The following UNC5C variants were observed in gnomAD, a reference collection of about 807,000 sequenced individuals.
UNC5C encodes unc-5 netrin receptor C.
Under a neutral mutation model 99.8 loss-of-function variants are expected in UNC5C, and 47 were observed. That is an observed-to-expected ratio of 0.47 (90% CI 0.37 to 0.60). The LOEUF is 0.60. Ranked by LOEUF, UNC5C falls within the 20% of genes least tolerant of loss-of-function variation. The probability of loss-of-function intolerance (pLI) is 0.00; values close to 1 mark genes in which losing one functional copy is unlikely to be tolerated. For missense variants in UNC5C, 1,062 were observed against 1,165.9 expected (o/e 0.91, Z 1.30); for synonymous variants, 487 against 452.2 (o/e 1.08, Z -0.98).
intron 1 of UNC5C, among the ~76,000 whole-genome samples, chr4:95,521,485 T>C (rs1722356706): frequency 6.6e-6 from 1 of 152,142 alleles, no homozygotes; most frequent in Non-Finnish European, 1.5e-5. Flanking sequence ...CCCAAAGTGC[T>C]GGGATTACAG....
intron 10 of UNC5C, among the ~76,000 whole-genome samples, chr4:95,208,380 G>A (rs559062848): frequency 6.6e-6 from 1 of 152,282 alleles, no homozygotes; most frequent in Non-Finnish European, 1.5e-5. Context: ...CAACATGAAA[G>A]GCTCTTAGGC....
At chr4:95,432,268 C>T (rs1002200060) in intron 1 of UNC5C, among the ~76,000 whole-genome samples, 1 of 152,120 alleles carries the variant, frequency 6.6e-6, no homozygotes, top group African/African-American at 2.4e-5. Context: ...CTACTTTCAT[C>T]GTTCCTGCAG....
intron 1 of UNC5C, among the ~76,000 whole-genome samples, chr4:95,384,771 C>T (rs1417480953): frequency 6.6e-6 from 1 of 152,034 alleles, no homozygotes; most frequent in African/African-American, 2.4e-5. Context: ...GGGGATATTG[C>T]AAAGCTGGTG....
intron 2 of UNC5C, among the ~76,000 whole-genome samples, chr4:95,332,521 T>G (rs935756057): frequency 7.9e-5 from 12 of 151,658 alleles, no homozygotes; most frequent in Middle Eastern, 3.4e-3. Context: ...TAGCCATATG[T>G]AGAAAGCTGA....
At chr4:95,493,530 G>A (rs1226813849) in intron 1 of UNC5C, among the ~76,000 whole-genome samples, 2 of 151,364 alleles carry the variant, frequency 1.3e-5, no homozygotes, top group African/African-American at 4.8e-5. Context: ...TAGATGGTGA[G>A]CTTTATTAAA....
intron 1 of UNC5C, among the ~76,000 whole-genome samples, chr4:95,405,210 T>C (rs1300062858): frequency 6.6e-6 from 1 of 152,140 alleles, no homozygotes; most frequent in Admixed American, 6.5e-5. Context: ...GAAAGAGCTT[T>C]GTAACTCTCG....
At chr4:95,197,639 C>G (rs1048559398) in intron 12 of UNC5C, among the ~76,000 whole-genome samples, 45 of 152,048 alleles carry the variant, frequency 3.0e-4, no homozygotes, top group African/African-American at 1.1e-3. Context: ...TTCCTGAGAG[C>G]AGAAGATACA....
chr4:95,231,312 G>A (rs1248349828), intron 7 of UNC5C, among the ~76,000 whole-genome samples: 7 of 152,290 alleles, frequency 4.6e-5, no homozygotes, highest in Non-Finnish European at 8.8e-5. Context: ...TTAGGATACT[G>A]TGGGGATTAA....
chr4:95,489,224 A>G (rs1314709165), intron 1 of UNC5C, among the ~76,000 whole-genome samples: 6 of 151,608 alleles, frequency 4.0e-5, no homozygotes, highest in African/African-American at 1.5e-4. Flanking sequence ...ACACAAAACA[A>G]ATGCCTGTAA....
rs56373272 is a variant in UNC5C, at chr4:95,439,396, T to G, written c.125-103765A>C. On this transcript the variant is annotated intron_variant, in intron 1 of 15. Coordinates refer to ENST00000453304, the MANE Select transcript of UNC5C (RefSeq NM_003728.4). ...CATGAGGTTTTGGTTTTTTTTTTTT[T>G]GTTTCCTCTTCTCCTTCTTATGTTT... is the stretch of plus-strand genomic sequence containing the variant. Among the ~76,000 whole-genome samples the G allele has an allele frequency of 2.8e-3, 431 of 151,908 alleles. 5 individuals are homozygous for G. The highest frequency in any genetic ancestry group is 9.8e-3 in the African/African-American group (406 of 41,454).
chr4:95,259,056 C>T (rs1327352147), intron 4 of UNC5C, among the ~76,000 whole-genome samples: 2 of 151,970 alleles, frequency 1.3e-5, no homozygotes, highest in African/African-American at 4.8e-5. Flanking sequence ...CCACCGCGCC[C>T]GGCCTCGACC....
rs1171870515 is a variant in UNC5C at position 95,400,384 on chromosome 4, CTTTTTTTTTTTTT to C, written c.125-64766_125-64754del. Among the ~76,000 whole-genome samples the C allele has an allele frequency of 4.7e-4, 31 of 65,792 alleles. No individual in the cohort carries two copies. In the East Asian group the frequency reaches 6.9e-3, roughly 15 times the overall value. 43.2% of individuals were successfully genotyped at this position (65,792 alleles called of 152,430 possible). A position where few individuals can be genotyped will look rare whatever the true frequency, so the allele number is the denominator to read the frequency against. On this transcript the variant is annotated intron_variant, in intron 1 of 15. Coordinates refer to ENST00000453304, the MANE Select transcript of UNC5C (RefSeq NM_003728.4). ...TTCCACAGCCACAGTGAGATGAATTCTTTTTTTTTTTTTTTTTTTTTTTTTTTGAGACGGAGTC... is the reference window on the plus strand; with the variant it reads ...TTCCACAGCCACAGTGAGATGAATTCTTTTTTTTTTTTTTGAGACGGAGTC...
At chr4:95,278,412 T>G in intron 3 of UNC5C, 50 bp from the exon 4 acceptor site, 1 of 1,495,722 alleles carries the variant, frequency 6.7e-7, no homozygotes, top group South Asian at 1.1e-5. Flanking sequence ...CAACATTTTC[T>G]CATTTACAGA....
chr4:95,469,172 C>T (rs1181818729), intron 1 of UNC5C, among the ~76,000 whole-genome samples: 4 of 152,114 alleles, frequency 2.6e-5, no homozygotes, highest in Non-Finnish European at 5.9e-5. Flanking sequence ...TCTTCGTTCC[C>T]AGACTAGGTC....
chr4:95,509,387 T>C (rs1291072121), intron 1 of UNC5C, among the ~76,000 whole-genome samples: 1 of 151,838 alleles, frequency 6.6e-6, no homozygotes, highest in Non-Finnish European at 1.5e-5. Context: ...AGCCCTCAAC[T>C]CCTAATTTCT....
chr4:95,290,646 C>A (rs1193944970), intron 3 of UNC5C, among the ~76,000 whole-genome samples: 1 of 152,120 alleles, frequency 6.6e-6, no homozygotes, highest in African/African-American at 2.4e-5. Context: ...TGATAGTTAA[C>A]ATGAACAAGG....
chr4:95,185,623 CTA>C (rs931161679), intron 12 of UNC5C, among the ~76,000 whole-genome samples: 1 of 152,098 alleles, frequency 6.6e-6, no homozygotes, highest in African/African-American at 2.4e-5. Flanking sequence ...GGACAAATAA[CTA>C]GAAGAGATAC....
At chr4:95,216,275 G>A (rs1356928050) in intron 9 of UNC5C, 64 bp from the exon 10 acceptor site, 4 of 1,325,868 alleles carry the variant, frequency 3.0e-6, no homozygotes, top group Non-Finnish European at 4.2e-6. Flanking sequence ...GGAATGAGGA[G>A]ATTTTGTGAC....
rs1329174698 is a variant in UNC5C, at chr4:95,311,349, C to T, written c.347-9600G>A. Among the ~76,000 whole-genome samples the T allele has an allele frequency of 3.9e-5, 6 of 152,072 alleles. No individual in the cohort carries two copies. In the South Asian group the frequency reaches 1.2e-3, roughly 32 times the overall value. ...GCACTTTGTTTAATTTGGAAGGGAACAAAGCATGTTCCACTGAATTAGCAA... is the reference window on the plus strand; with the variant it reads ...GCACTTTGTTTAATTTGGAAGGGAATAAAGCATGTTCCACTGAATTAGCAA... On this transcript the variant is annotated intron_variant, in intron 2 of 15. Coordinates refer to ENST00000453304, the MANE Select transcript of UNC5C (RefSeq NM_003728.4).
Sources: allele counts gnomAD v4.1 joint callset (sites outside exome capture counted in the v4.1 genomes callset), GRCh38; gene constraint gnomAD v4.1.1; transcripts MANE v1.5; gene names NCBI Gene and HGNC (gene_info 2026-07-23, HGNC 2026-07-21).